Variants in ENTPD1 observed in about 807,000 individuals in gnomAD.
The protein encoded by ENTPD1 is ATP diphosphohydrolase.
ENTPD1 carries 33 observed loss-of-function variants against 57.0 expected under a neutral mutation model. The ratio of observed to expected loss-of-function variants is 0.58; its 90% CI spans 0.44 to 0.77. The LOEUF (loss-of-function observed/expected upper bound fraction) is 0.77, where lower values mean the gene tolerates loss of function less well. Among genes scored for constraint, ENTPD1 ranks in the 30% least tolerant of loss-of-function variants. The pLI is 0.00. For missense variants in ENTPD1, 501 were observed against 603.4 expected, an observed-to-expected ratio of 0.83 and a Z score of 1.78; for synonymous variants, 202 against 218.8, an observed-to-expected ratio of 0.92 and a Z score of 0.68.
At position 95,839,826 on chromosome 10, in the gene ENTPD1, G is replaced by A. The variant is rs750315209; in HGVS notation, c.262+18G>A. ...GGTTAAAGGTAAGATGAAGACCAAG[G>A]GAAGGGGAGGCCAACAGTGGGGCAT... On this transcript the variant is annotated intron_variant, in intron 3 of 9. Coordinates refer to ENST00000371205, the MANE Select transcript of ENTPD1 (RefSeq NM_001776.6). 1.2e-6 allele frequency: 2 copies of A among 1,612,792 alleles called. No homozygotes were observed. Among genetic ancestry groups the A allele is most frequent in the South Asian group, 2.2e-5 (2 of 91,056 alleles).
chr10:95,698,034 A>G, the ENTPD1 span, among the ~76,000 whole-genome samples: 1 of 152,244 alleles, frequency 6.6e-6, no homozygotes, highest in Non-Finnish European at 1.5e-5. Flanking sequence ...ACAAGGGAAC[A>G]TTTGGAACTT....
chr10:95,782,676 G>C (rs1040623140), intron 1 of ENTPD1, among the ~76,000 whole-genome samples: 2 of 152,190 alleles, frequency 1.3e-5, no homozygotes, highest in African/African-American at 4.8e-5. Context: ...AAAAGGAAGA[G>C]AGAATTTTCC....
At chr10:95,800,147 C>T (rs1049370025) in intron 1 of ENTPD1, among the ~76,000 whole-genome samples, 7 of 152,132 alleles carry the variant, frequency 4.6e-5, no homozygotes, top group Non-Finnish European at 5.9e-5. Flanking sequence ...TTTCAACATA[C>T]GTTCTTTCTA....
At chr10:95,721,187 C>T (rs921201332) in intron 1 of ENTPD1, among the ~76,000 whole-genome samples, 5 of 152,158 alleles carry the variant, frequency 3.3e-5, no homozygotes, top group African/African-American at 1.2e-4. Flanking sequence ...TCTTCCTTTC[C>T]CTGTGTTATA....
chr10:95,787,535 A>G (rs2098185179), intron 1 of ENTPD1, among the ~76,000 whole-genome samples: 1 of 152,192 alleles, frequency 6.6e-6, no homozygotes, highest in South Asian at 2.1e-4. Flanking sequence ...AATACAAAGG[A>G]GAGAAAATGA....
chr10:95,788,339 C>T (rs2098188874), intron 1 of ENTPD1, among the ~76,000 whole-genome samples: 1 of 152,032 alleles, frequency 6.6e-6, no homozygotes, highest in South Asian at 2.1e-4. Context: ...GAGTCTAGGC[C>T]AGGCATAGTG....
Position 95,872,308 on chromosome 10 carries a change from T to C in ENTPD1, c.*5925T>C. ...AACCTCCCCATCAGACATTCAAGGC[T>C]TTCAATGATCCATGGCCGCCAGCTC... is the stretch of plus-strand genomic sequence containing the variant. On this transcript the variant is annotated 3_prime_UTR_variant, in exon 10 of 10. Coordinates refer to ENST00000371205, the MANE Select transcript of ENTPD1 (RefSeq NM_001776.6). 4.1e-6 allele frequency: 4 copies of C among 985,368 alleles called. No homozygotes were observed. The highest frequency in any genetic ancestry group is 4.8e-6 in the Non-Finnish European group (4 of 829,910). 61.0% of individuals were successfully genotyped at this position (985,368 alleles called of 1,614,324 possible).
At chr10:95,732,368 T>G (rs2097990196) in intron 1 of ENTPD1, among the ~76,000 whole-genome samples, 1 of 152,186 alleles carries the variant, frequency 6.6e-6, no homozygotes, top group Non-Finnish European at 1.5e-5. Flanking sequence ...CATGTACGTC[T>G]TAGTTACAAC....
At chr10:95,843,665 A>G (rs1356870928) in intron 4 of ENTPD1, among the ~76,000 whole-genome samples, 2 of 152,222 alleles carry the variant, frequency 1.3e-5, no homozygotes, top group East Asian at 3.8e-4. Context: ...TAGAGATAGT[A>G]GGAAGCCATT....
the ENTPD1 span, among the ~76,000 whole-genome samples, chr10:95,697,002 A>G: frequency 6.6e-6 from 1 of 152,204 alleles, no homozygotes; most frequent in Non-Finnish European, 1.5e-5. Flanking sequence ...AAATACATGA[A>G]GGTGTGCTCT....
rs1380329931 is a variant in ENTPD1, at chr10:95,871,541, C to G, written c.*5158C>G. The G allele has an allele frequency of 1.0e-6, 1 of 985,278 alleles. No homozygotes were observed. The highest frequency in any genetic ancestry group is 1.2e-6 in the Non-Finnish European group (1 of 829,904). 61.0% of individuals were successfully genotyped at this position (985,278 alleles called of 1,614,324 possible). On this transcript the variant is annotated 3_prime_UTR_variant, in exon 10 of 10. Transcript: ENST00000371205. ...CATACAAATCTAATACAACTGAACACAATCAGTTTTATCACAGGTATAATG... is the reference window on the plus strand; with the variant it reads ...CATACAAATCTAATACAACTGAACAGAATCAGTTTTATCACAGGTATAATG...
intron 1 of ENTPD1, among the ~76,000 whole-genome samples, chr10:95,800,469 G>A (rs895131072): frequency 1.3e-5 from 2 of 152,100 alleles, no homozygotes; most frequent in African/African-American, 4.8e-5. Context: ...CAGGAAACAG[G>A]GTTTGAGAGC....
intron 2 of ENTPD1, among the ~76,000 whole-genome samples, chr10:95,828,201 C>A (rs2098384348): frequency 6.6e-6 from 1 of 152,178 alleles, no homozygotes; most frequent in Admixed American, 6.5e-5. Context: ...AGATCAGTGG[C>A]AGCATTAGAT....
intron 1 of ENTPD1, among the ~76,000 whole-genome samples, chr10:95,773,609 C>T (rs574742351): frequency 3.9e-5 from 6 of 152,264 alleles, no homozygotes; most frequent in African/African-American, 1.4e-4. Context: ...CTTAAAGTCA[C>T]TAGCTTCATT....
intron 1 of ENTPD1, among the ~76,000 whole-genome samples, chr10:95,718,666 C>T (rs543191552): frequency 1.7e-4 from 26 of 152,248 alleles, no homozygotes; most frequent in Non-Finnish European, 2.2e-4. Context: ...TTCTAGTGCC[C>T]GAGTGAGGGC....
intron 2 of ENTPD1, chr10:95,833,659 T>G (rs2098402739): frequency 6.6e-6 from 1 of 152,264 alleles, no homozygotes; most frequent in Admixed American, 6.5e-5. Flanking sequence ...TAACAGAATG[T>G]GACAAACTTG....
chr10:95,720,016 A>T (rs896557528), intron 1 of ENTPD1, among the ~76,000 whole-genome samples: 1 of 152,084 alleles, frequency 6.6e-6, no homozygotes, highest in Non-Finnish European at 1.5e-5. Context: ...CTCACTGATA[A>T]TCCTGAGATC....
chr10:95,787,148 A>G (rs963143169), intron 1 of ENTPD1, among the ~76,000 whole-genome samples: 1 of 152,212 alleles, frequency 6.6e-6, no homozygotes, highest in Non-Finnish European at 1.5e-5. Flanking sequence ...TGCATCTTCC[A>G]ATAAAGCATA....
At chr10:95,697,480 A>G in the ENTPD1 span, among the ~76,000 whole-genome samples, 528 of 152,272 alleles carry the variant, frequency 3.5e-3, 4 homozygotes, top group African/African-American at 0.012. Context: ...CCCAATGTGC[A>G]GTATTGAGAG....
Sources: allele counts gnomAD v4.1 joint callset (sites outside exome capture counted in the v4.1 genomes callset), GRCh38; gene constraint gnomAD v4.1.1; transcripts MANE v1.5; gene names NCBI Gene and HGNC (gene_info 2026-07-23, HGNC 2026-07-21).